Variants in ELAVL2 observed in about 807,000 individuals in gnomAD.
The protein encoded by ELAVL2 is ELAV-like protein 2.
ELAVL2 carries 4 observed loss-of-function variants against 34.6 expected under a neutral mutation model. The ratio of observed to expected loss-of-function variants is 0.12; its 90% CI spans 0.06 to 0.26. The LOEUF (loss-of-function observed/expected upper bound fraction) is 0.26. Ranked by LOEUF, ELAVL2 falls within the 10% of genes least tolerant of loss-of-function variation. The pLI is 1.00. For synonymous variants in ELAVL2, 193 were observed against 154.8 expected (o/e 1.25, Z -1.83); for missense variants, 432 against 442.8 (o/e 0.98, Z 0.22).
At chr9:23,813,305 C>A (rs1012288945) in intron 1 of ELAVL2, among the ~76,000 whole-genome samples, 13 of 151,854 alleles carry the variant, frequency 8.6e-5, no homozygotes, top group Admixed American at 8.5e-4. Flanking sequence ...GGCTGCCCTG[C>A]TGCTTCTGGA....
intron 5 of ELAVL2, 91 bp downstream of exon 5, chr9:23,701,288 C>G: frequency 1.4e-6 from 2 of 1,398,732 alleles, no homozygotes; most frequent in Non-Finnish European, 9.9e-7. Flanking sequence ...CAAAAGCAAA[C>G]CAGAGATCCT....
chr9:23,713,080 T>C (rs1428130637), intron 3 of ELAVL2, among the ~76,000 whole-genome samples: 1 of 152,198 alleles, frequency 6.6e-6, no homozygotes, highest in Non-Finnish European at 1.5e-5. Context: ...AGGGTCTAAA[T>C]AGGCTGCCCT....
At chr9:23,836,738 G>T in the ELAVL2 span, among the ~76,000 whole-genome samples, 4 of 152,142 alleles carry the variant, frequency 2.6e-5, no homozygotes, top group South Asian at 2.1e-4. Context: ...ACAGGAATTT[G>T]TTGGAGTATA....
At chr9:23,695,498 A>G (rs1170835614) in intron 5 of ELAVL2, among the ~76,000 whole-genome samples, 3 of 152,194 alleles carry the variant, frequency 2.0e-5, no homozygotes, top group African/African-American at 4.8e-5. Context: ...GAAGTGAATT[A>G]CCGTCAGGCC....
chr9:23,747,860 T>C (rs888367751), intron 2 of ELAVL2, among the ~76,000 whole-genome samples: 2 of 152,240 alleles, frequency 1.3e-5, no homozygotes, highest in African/African-American at 2.4e-5. Flanking sequence ...GCAGCCAACA[T>C]GCATTTGGCT....
intron 3 of ELAVL2, among the ~76,000 whole-genome samples, chr9:23,720,868 C>T (rs1241889739): frequency 6.6e-6 from 1 of 152,132 alleles, no homozygotes; most frequent in Non-Finnish European, 1.5e-5. Context: ...ATACAATTTC[C>T]TCAGTCTCTC....
intron 3 of ELAVL2, among the ~76,000 whole-genome samples, chr9:23,720,626 A>G (rs2043436033): frequency 6.6e-6 from 1 of 152,230 alleles, no homozygotes. Flanking sequence ...GAGAACGTGC[A>G]TTATTTCTTA....
intron 4 of ELAVL2, among the ~76,000 whole-genome samples, chr9:23,701,956 T>C (rs947187488): frequency 6.6e-6 from 1 of 152,140 alleles, no homozygotes; most frequent in African/African-American, 2.4e-5. Context: ...CGGAGTTCCA[T>C]TTTTCAATTT....
chr9:23,847,201 T>C, the ELAVL2 span: 3 of 152,100 alleles, frequency 2.0e-5, no homozygotes, highest in Non-Finnish European at 4.4e-5. Context: ...TTAGAAACAA[T>C]AAATGAAGAT....
chr9:23,760,755 T>C (rs536072421), intron 2 of ELAVL2, among the ~76,000 whole-genome samples: 2 of 152,140 alleles, frequency 1.3e-5, no homozygotes, highest in African/African-American at 4.8e-5. Flanking sequence ...TTGCTATGGA[T>C]CAATGACAAT....
chr9:23,752,446 A>G (rs1346931942), intron 2 of ELAVL2, among the ~76,000 whole-genome samples: 1 of 151,722 alleles, frequency 6.6e-6, no homozygotes, highest in Non-Finnish European at 1.5e-5. Flanking sequence ...AGTAAATCCT[A>G]CTACCACTTA....
chr9:23,775,887 G>A (rs552499867), intron 1 of ELAVL2, among the ~76,000 whole-genome samples: 44 of 152,202 alleles, frequency 2.9e-4, no homozygotes, highest in African/African-American at 9.9e-4. Context: ...GACAAACCTC[G>A]AGGAAGCCTT....
At chr9:23,777,918 T>C (rs1005610183) in intron 1 of ELAVL2, among the ~76,000 whole-genome samples, 3 of 152,176 alleles carry the variant, frequency 2.0e-5, no homozygotes, top group African/African-American at 7.2e-5. Flanking sequence ...CAAGGTTGAC[T>C]ACACATTAAC....
chr9:23,838,440 AG>A, the ELAVL2 span, among the ~76,000 whole-genome samples: 1 of 152,150 alleles, frequency 6.6e-6, no homozygotes, highest in South Asian at 2.1e-4. Context: ...ATACCCCTTG[AG>A]CTTTTCAGTT....
chr9:23,739,364 G>A (rs919438910), intron 2 of ELAVL2, among the ~76,000 whole-genome samples: 5 of 152,146 alleles, frequency 3.3e-5, no homozygotes, highest in Admixed American at 1.3e-4. Context: ...CACCAGGATA[G>A]AGCAAATGCC....
chr9:23,781,364 C>A (rs1474719243), intron 1 of ELAVL2, among the ~76,000 whole-genome samples: 2 of 152,112 alleles, frequency 1.3e-5, no homozygotes, highest in African/African-American at 2.4e-5. Flanking sequence ...CACACACACT[C>A]CAGGCTTTGC....
At chr9:23,712,395 T>C (rs566038115) in intron 3 of ELAVL2, among the ~76,000 whole-genome samples, 145 of 152,122 alleles carry the variant, frequency 9.5e-4, no homozygotes, top group Non-Finnish European at 1.7e-3. Flanking sequence ...ATAAGAACCT[T>C]AGCTTTGCTA....
chr9:23,832,003 G>A, the ELAVL2 span, among the ~76,000 whole-genome samples: 3 of 152,176 alleles, frequency 2.0e-5, no homozygotes, highest in African/African-American at 4.8e-5. Context: ...TGTGATAAGA[G>A]ATCAAGGAAC....
In ELAVL2 at chr9:23,787,538, C is replaced by T. The variant is rs192144905; in HGVS notation, c.-15-25289G>A. 3.1e-3 allele frequency among the ~76,000 whole-genome samples: 463 copies of T among 151,604 alleles called. 3 individuals are homozygous for T. The highest frequency in any genetic ancestry group is 0.024 in the Middle Eastern group (7 of 294). On this transcript the variant is annotated intron_variant, in intron 1 of 6. Coordinates refer to ENST00000397312, the MANE Select transcript of ELAVL2 (RefSeq NM_004432.5). Reference sequence around the variant, plus strand: ...TGAGCCACCACGCCTGGCCTCATCCCTATTTTTCAAATGAGGAAATAGGCT... The same window carrying T: ...TGAGCCACCACGCCTGGCCTCATCCTTATTTTTCAAATGAGGAAATAGGCT...
Sources: allele counts gnomAD v4.1 joint callset (sites outside exome capture counted in the v4.1 genomes callset), GRCh38; gene constraint gnomAD v4.1.1; transcripts MANE v1.5; gene names NCBI Gene and HGNC (gene_info 2026-07-23, HGNC 2026-07-21).